Variants in EPB42 observed in about 807,000 individuals in gnomAD.
The protein encoded by EPB42 is erythrocyte membrane protein band 4.2.
Under a neutral mutation model 76.9 loss-of-function variants are expected in EPB42, and 49 were observed. That is an observed-to-expected ratio of 0.64 (90% CI 0.51 to 0.81). EPB42 has a LOEUF of 0.81. Among genes scored for constraint, EPB42 ranks in the 30% least tolerant of loss-of-function variants. The pLI is 0.00. For synonymous variants in EPB42, 310 were observed against 338.4 expected (o/e 0.92, Z 0.92); for missense variants, 731 against 867.6 (o/e 0.84, Z 1.98).
At chr15:43,216,186 C>T (rs1170273127) in intron 2 of EPB42, 82 bp downstream of exon 2, 2 of 1,555,888 alleles carry the variant, frequency 1.3e-6, no homozygotes, top group East Asian at 4.6e-5. Context: ...CCATTTGTCC[C>T]TTGATTCCCT....
chr15:43,216,173 G>T, intron 2 of EPB42, 95 bp downstream of exon 2: 4 of 1,476,230 alleles, frequency 2.7e-6, no homozygotes, highest in Non-Finnish European at 3.7e-6. Context: ...GCTGCAGTGT[G>T]GGCCATTTGT....
intron 2 of EPB42, among the ~76,000 whole-genome samples, chr15:43,215,683 T>A (rs947028583): frequency 6.6e-6 from 1 of 152,218 alleles, no homozygotes; most frequent in African/African-American, 2.4e-5. Flanking sequence ...TTCGATTCCA[T>A]CCAGAATTTT....
intron 3 of EPB42, among the ~76,000 whole-genome samples, chr15:43,213,888 T>C (rs919920794): frequency 5.9e-5 from 9 of 151,738 alleles, no homozygotes; most frequent in Non-Finnish European, 8.8e-5. Flanking sequence ...ACAGAAGAAG[T>C]GGAGAGAGAA....
At chr15:43,208,967 C>T (rs972517905) in intron 6 of EPB42, among the ~76,000 whole-genome samples, 192 bp from the exon 7 acceptor site, 5 of 152,102 alleles carry the variant, frequency 3.3e-5, no homozygotes, top group Admixed American at 6.5e-5. Context: ...CCACCGCATG[C>T]GGGGCATATA....
chr15:43,200,922 C>T (rs1031941411), intron 12 of EPB42, among the ~76,000 whole-genome samples: 1 of 151,762 alleles, frequency 6.6e-6, no homozygotes, highest in Non-Finnish European at 1.5e-5. Flanking sequence ...TCACACCATT[C>T]TCCTGCCTCA....
chr15:43,198,655 C>T (rs945127078), intron 12 of EPB42, among the ~76,000 whole-genome samples: 2 of 152,188 alleles, frequency 1.3e-5, no homozygotes, highest in Non-Finnish European at 2.9e-5. Flanking sequence ...CAGAAATTTG[C>T]ATAAGTAACA....
At chr15:43,215,620 A>C (rs909733607) in intron 2 of EPB42, among the ~76,000 whole-genome samples, 1 of 152,256 alleles carries the variant, frequency 6.6e-6, no homozygotes, top group South Asian at 2.1e-4. Flanking sequence ...TACATCTGAC[A>C]GGTAGTATGG....
Position 43,203,115 on chromosome 15 carries a change from C to T in EPB42, c.1779G>A (p.Lys593=). The change falls in exon 11 of 13, where the codon AAG becomes AAA. Residue 593 remains lysine, a splice_region_variant and synonymous_variant. Transcript: ENST00000441366. The part of the protein sequence containing the change: ...IAICRPHLAI[K]MPEKAEQYQP... Reference sequence around the variant, plus strand: ...AACTCAGGGGAGGACTGGTGCCTACCTTGATGGCAAGGTGTGGTCTACAAA... The same window carrying T: ...AACTCAGGGGAGGACTGGTGCCTACTTTGATGGCAAGGTGTGGTCTACAAA... 6.2e-7 allele frequency: 1 copy of T among 1,614,042 alleles called. No homozygotes were observed. Among genetic ancestry groups the T allele is most frequent in the Non-Finnish European group, 8.5e-7 (1 of 1,180,006 alleles).
At chr15:43,213,306 G>A (rs896121586) in intron 3 of EPB42, among the ~76,000 whole-genome samples, 1 of 152,068 alleles carries the variant, frequency 6.6e-6, no homozygotes, top group Non-Finnish European at 1.5e-5. Context: ...TTTATCATAG[G>A]ATGTAAAATG....
intron 2 of EPB42, 23 bp downstream of exon 2, chr15:43,216,245 G>A (rs759747453): frequency 2.5e-6 from 4 of 1,612,920 alleles, no homozygotes; most frequent in Non-Finnish European, 3.4e-6. Flanking sequence ...GCTGCCAAAG[G>A]AGTCTAGGCC....
upstream of EPB42, among the ~76,000 whole-genome samples, chr15:43,223,313 G>A (rs994089613): frequency 5.9e-5 from 9 of 152,002 alleles, no homozygotes; most frequent in African/African-American, 1.2e-4. Flanking sequence ...GTGAGAATCC[G>A]TCTCAAAAAC....
intron 3 of EPB42, among the ~76,000 whole-genome samples, chr15:43,212,249 G>A (rs369951036): frequency 4.6e-5 from 7 of 151,658 alleles, no homozygotes; most frequent in East Asian, 3.9e-4. Context: ...CGTGCTTGTA[G>A]TTCCAGCTAC....
At chr15:43,201,229 T>G (rs189066995) in intron 12 of EPB42, among the ~76,000 whole-genome samples, 2 of 151,748 alleles carry the variant, frequency 1.3e-5, no homozygotes, top group Admixed American at 1.3e-4. Flanking sequence ...TGGAGTGGAG[T>G]GGTAGAAAGT....
At chr15:43,202,257 T>C (rs1452093343) in intron 11 of EPB42, among the ~76,000 whole-genome samples, 1 of 152,170 alleles carries the variant, frequency 6.6e-6, no homozygotes, top group African/African-American at 2.4e-5. Flanking sequence ...TATTCAACGT[T>C]CTTCATGGTG....
intron 3 of EPB42, 101 bp from the exon 4 acceptor site, chr15:43,211,635 G>A (rs906411445): frequency 3.6e-6 from 3 of 835,048 alleles, no homozygotes; most frequent in Non-Finnish European, 6.3e-6. Flanking sequence ...TTGGCTGCAG[G>A]CCACCCCGTC....
At chr15:43,221,997 G>C (rs1416267651), upstream of EPB42, among the ~76,000 whole-genome samples, 1 of 151,916 alleles carries the variant, frequency 6.6e-6, no homozygotes, top group Admixed American at 6.6e-5. Flanking sequence ...ACAAAAATTA[G>C]CTGGGCGTGG....
chr15:43,201,200 C>G (rs1396782416), intron 12 of EPB42, among the ~76,000 whole-genome samples: 2 of 152,146 alleles, frequency 1.3e-5, no homozygotes, highest in Non-Finnish European at 1.5e-5. Flanking sequence ...GTTGGAGGCA[C>G]TCTGGGTGCC....
chr15:43,210,229 G>C (rs535068940), intron 5 of EPB42, 106 bp downstream of exon 5: 5 of 964,428 alleles, frequency 5.2e-6, no homozygotes, highest in Non-Finnish European at 8.3e-6. Context: ...GGAGGAGGGG[G>C]CCATTTGTGA....
At chr15:43,219,673 C>T (rs1319284007) in intron 1 of EPB42, among the ~76,000 whole-genome samples, 1 of 152,298 alleles carries the variant, frequency 6.6e-6, no homozygotes, top group Admixed American at 6.5e-5. Flanking sequence ...TTTGGCCAGG[C>T]GCAGTGGCTC....
Sources: allele counts gnomAD v4.1 joint callset (sites outside exome capture counted in the v4.1 genomes callset), GRCh38; gene constraint gnomAD v4.1.1; transcripts MANE v1.5; gene names NCBI Gene and HGNC (gene_info 2026-07-23, HGNC 2026-07-21).